The following PDZD2 variants were observed in gnomAD, a reference collection of about 807,000 sequenced individuals.
PDZD2 encodes the protein PDZ domain containing 2, also known as PDZ domain-containing protein 2.
Under a neutral mutation model 220.7 loss-of-function variants are expected in PDZD2, and 90 were observed. That is an observed-to-expected ratio of 0.41 (90% CI 0.34 to 0.49). PDZD2 has a LOEUF of 0.49. PDZD2 is among the 20% of genes least tolerant of loss of function. The pLI is 0.28. For missense variants in PDZD2, 3,174 were observed against 3,608.5 expected (o/e 0.88, Z 3.08); for synonymous variants, 1,375 against 1,450.5 (o/e 0.95, Z 1.18).
At chr5:31,989,420 T>TTTTTTTTTTTTTTTTTTTTTATTTATTTA (rs1561277778) in intron 3 of PDZD2, among the ~76,000 whole-genome samples, 1 of 136,872 alleles carries the variant, frequency 7.3e-6, no homozygotes, top group East Asian at 2.8e-4. Context: ...CATTTTCTTT[T>TTTTTTTTTTTTTTTTTTTTTATTTATTTA]CTTTTTTTTT....
At chr5:31,660,732 A>T (rs1398293711) in intron 1 of PDZD2, among the ~76,000 whole-genome samples, 3 of 152,128 alleles carry the variant, frequency 2.0e-5, no homozygotes, top group Admixed American at 6.5e-5. Flanking sequence ...TTGGGTGGGG[A>T]CAAAGCTAAA....
chr5:31,755,616 CTTTTTT>C (rs34226643), intron 1 of PDZD2, among the ~76,000 whole-genome samples: 2 of 137,716 alleles, frequency 1.5e-5, no homozygotes, highest in African/African-American at 5.4e-5. Flanking sequence ...GGTGGTGTGT[CTTTTTT>C]TTTTTTTTTG....
At chr5:31,800,948 A>C (rs1165061448) in intron 2 of PDZD2, among the ~76,000 whole-genome samples, 1 of 152,150 alleles carries the variant, frequency 6.6e-6, no homozygotes, top group African/African-American at 2.4e-5. Context: ...AAATACCTTG[A>C]CCTTAATCTT....
At chr5:31,664,786 T>G (rs539981932) in intron 1 of PDZD2, 1 of 152,286 alleles carries the variant, frequency 6.6e-6, no homozygotes, top group Non-Finnish European at 1.5e-5. Context: ...CTCCACATGG[T>G]GATTCAGGGA....
chr5:31,872,558 G>A (rs1324440542), intron 2 of PDZD2, among the ~76,000 whole-genome samples: 2 of 152,178 alleles, frequency 1.3e-5, no homozygotes, highest in African/African-American at 4.8e-5. Flanking sequence ...GACCCACTGT[G>A]TCTATGTTAA....
At chr5:31,973,837 C>T (rs1488811282) in intron 2 of PDZD2, among the ~76,000 whole-genome samples, 2 of 152,110 alleles carry the variant, frequency 1.3e-5, no homozygotes, top group Non-Finnish European at 2.9e-5. Context: ...GCCTGGGCAA[C>T]ATAGCAAGAC....
intron 3 of PDZD2, among the ~76,000 whole-genome samples, chr5:31,989,417 TTTTC>T (rs1751008366): frequency 8.2e-5 from 12 of 147,072 alleles, no homozygotes; most frequent in East Asian, 4.0e-4. Context: ...CCACATTTTC[TTTTC>T]TTTTTTTTTT....
chr5:32,038,466 G>A (rs1481173882), intron 7 of PDZD2, among the ~76,000 whole-genome samples: 3 of 152,054 alleles, frequency 2.0e-5, no homozygotes, highest in Non-Finnish European at 4.4e-5. Context: ...GAACCTAGGA[G>A]GCTGAGGTTG....
intron 22 of PDZD2, 140 bp downstream of exon 22, chr5:32,097,520 G>A (rs571474044): frequency 1.5e-6 from 1 of 667,186 alleles, no homozygotes; most frequent in Non-Finnish European, 2.7e-6. Flanking sequence ...AGGGAGAAGT[G>A]GGAGAAGTAG....
At chr5:31,832,685 G>A (rs1265250044) in intron 2 of PDZD2, 4 of 152,074 alleles carry the variant, frequency 2.6e-5, no homozygotes, top group Non-Finnish European at 4.4e-5. Context: ...GCACGGTGGC[G>A]GGCGCCTGTA....
intron 2 of PDZD2, among the ~76,000 whole-genome samples, chr5:31,899,369 G>A (rs1196786465): frequency 6.6e-6 from 1 of 152,152 alleles, no homozygotes; most frequent in South Asian, 2.1e-4. Context: ...CTGACCGCAA[G>A]TGATCCGCCC....
intron 1 of PDZD2, chr5:31,657,103 C>T (rs899728764): frequency 1.3e-5 from 2 of 152,196 alleles, no homozygotes; most frequent in African/African-American, 2.4e-5. Context: ...CGATCTCCAT[C>T]TGGTCGTAGA....
intron 2 of PDZD2, among the ~76,000 whole-genome samples, chr5:31,800,444 G>C (rs1221644575): frequency 6.6e-6 from 1 of 152,168 alleles, no homozygotes; most frequent in Non-Finnish European, 1.5e-5. Context: ...TAAACATGGA[G>C]TACCTGTGTG....
intron 1 of PDZD2, among the ~76,000 whole-genome samples, chr5:31,788,362 A>T (rs1753499650): frequency 7.1e-6 from 1 of 139,994 alleles, no homozygotes; most frequent in African/African-American, 2.7e-5. Flanking sequence ...CAAGAGTAAA[A>T]CTTCGTCTCA....
chr5:32,087,702 G>C lies in PDZD2; in HGVS notation c.4254G>C (p.Gly1418=), dbSNP rs3733720. ...TCTCGGGGCACTGCTGCCCAGGGGG[G>C]AGTAGAGAGAGCCCTGTGACGGACA... is the stretch of plus-strand genomic sequence containing the variant. The part of the protein sequence containing the change: ...GHVSGHCCPG[G]SRESPVTDID... The change falls in exon 20 of 25, where the codon GGG becomes GGC. Residue 1418 remains glycine, a synonymous_variant. Coordinates refer to ENST00000438447, the MANE Select transcript of PDZD2 (RefSeq NM_178140.4). The surrounding 1 kb of genome is among the most constrained non-coding windows in gnomAD (Gnocchi z 4.0). The C allele has an allele frequency of 0.09, 145,639 of 1,613,834 alleles. 7,265 individuals are homozygous for C. Among genetic ancestry groups the C allele is most frequent in the East Asian group, 0.24 (10,562 of 44,840 alleles).
Position 32,072,852 on chromosome 5 carries a change from G to A in PDZD2, c.2725+535G>A, listed in dbSNP as rs190959124. On this transcript the variant is annotated intron_variant, in intron 17 of 24. Coordinates refer to ENST00000438447, the MANE Select transcript of PDZD2 (RefSeq NM_178140.4). The stretch of plus-strand genomic sequence containing the variant: ...CTTTCAATGCCCTTTACATAATGTA[G>A]TCTTGAATTTTATGGCATCAAATCA... 1.1e-4 allele frequency among the ~76,000 whole-genome samples: 17 copies of A among 152,262 alleles called. No individual in the cohort carries two copies. In the East Asian group the frequency reaches 3.1e-3, roughly 28 times the overall value.
chr5:31,951,404 C>T (rs189895933), intron 2 of PDZD2, among the ~76,000 whole-genome samples: 7 of 152,122 alleles, frequency 4.6e-5, no homozygotes, highest in Admixed American at 1.3e-4. Flanking sequence ...CTCTCATTCA[C>T]GAGGTTCTCT....
intron 2 of PDZD2, among the ~76,000 whole-genome samples, chr5:31,872,142 G>GGTTGTGTGTGTGT (rs1554086797): frequency 2.0e-5 from 3 of 147,676 alleles, no homozygotes; most frequent in African/African-American, 5.0e-5. Flanking sequence ...TAAGGTGAGT[G>GGTTGTGTGTGTGT]GTGTGTGTGT....
At chr5:31,978,498 T>C (rs1446928056) in intron 2 of PDZD2, among the ~76,000 whole-genome samples, 1 of 152,080 alleles carries the variant, frequency 6.6e-6, no homozygotes, top group African/African-American at 2.4e-5. Flanking sequence ...GGTGGGCGGA[T>C]CACGAGGTCA....
Sources: gnomAD v4.1 joint callset for allele counts (sites outside exome capture counted in the v4.1 genomes callset) on GRCh38, gnomAD v4.1.1 for gene constraint, Gnocchi (gnomAD v3.1) non-coding constraint, MANE v1.5 for transcripts, NCBI Gene and HGNC (gene_info 2026-07-23, HGNC 2026-07-21) for gene names.